LIMK2: variants seen among roughly 807,000 people sequenced by gnomAD.
The protein encoded by LIMK2 is LIM domain kinase 2.
LIMK2 carries 35 observed loss-of-function variants against 75.7 expected under a neutral mutation model. The observed-to-expected ratio is 0.46, with a 90% confidence interval of 0.35 to 0.61. The LOEUF (loss-of-function observed/expected upper bound fraction) is 0.61, where lower values mean the gene tolerates loss of function less well. Ranked by LOEUF, LIMK2 falls within the 20% of genes least tolerant of loss-of-function variation. The pLI, the probability that LIMK2 is intolerant of heterozygous loss-of-function variation, is 0.00. For synonymous variants in LIMK2, 301 were observed against 319.2 expected (o/e 0.94, Z 0.61); for missense variants, 623 against 831.0 (o/e 0.75, Z 3.08).
intron 2 of LIMK2, among the ~76,000 whole-genome samples, chr22:31,255,978 C>CTTTTTTTTTTTT (rs567250437): frequency 1.3e-4 from 4 of 29,682 alleles, no homozygotes; most frequent in East Asian, 1.1e-3. Context: ...TATATTGGGT[C>CTTTTTTTTTTTT]TTTTTTTTTT....
chr22:31,247,897 C>T (rs1207691192), intron 2 of LIMK2, among the ~76,000 whole-genome samples: 1 of 152,080 alleles, frequency 6.6e-6, no homozygotes, highest in Non-Finnish European at 1.5e-5. Context: ...TGAGGCTGTC[C>T]CCAGGACAGG....
Position 31,248,304 on chromosome 22 carries a change from C to A in LIMK2, c.117-9987C>A, listed in dbSNP as rs141087029. ...CACACACCTCGGTTCTGCGGGAGCC[C>A]CTCCTCTTCCTCCCTCCCTCCCTCA... On this transcript the variant is annotated intron_variant, in intron 2 of 15. Transcript: ENST00000331728. The A allele has an allele frequency of 3.4e-6, 4 of 1,184,656 alleles. No homozygotes were observed. In the African/African-American group the frequency reaches 6.4e-5, roughly 19 times the overall value. 73.4% of individuals were successfully genotyped at this position (1,184,656 alleles called of 1,614,324 possible).
intron 1 of LIMK2, among the ~76,000 whole-genome samples, chr22:31,215,808 TAAAAA>T (rs1166327455): frequency 6.6e-6 from 1 of 151,842 alleles, no homozygotes; most frequent in Non-Finnish European, 1.5e-5. Context: ...CCCCATCTCT[TAAAAA>T]AAAGAAAAAA....
At position 31,222,128 on chromosome 22, in the gene LIMK2, T is replaced by C. The variant is rs183096102; in HGVS notation, c.17-3592T>C. ...CACTCTTGCCCAGGCTGGAGTGCAATGGCGAGATCTCAGCTCACTGCAACC... is the reference window on the plus strand; with the variant it reads ...CACTCTTGCCCAGGCTGGAGTGCAACGGCGAGATCTCAGCTCACTGCAACC... On this transcript the variant is annotated intron_variant, in intron 1 of 15. Transcript: ENST00000331728. Among the ~76,000 whole-genome samples the C allele has an allele frequency of 1.1e-3, 171 of 152,124 alleles. 2 individuals carry two copies. Among genetic ancestry groups the C allele is most frequent in the Non-Finnish European group, 1.9e-3 (127 of 67,996 alleles).
chr22:31,229,731 A>T (rs1474880981), intron 2 of LIMK2, among the ~76,000 whole-genome samples: 1 of 150,462 alleles, frequency 6.6e-6, no homozygotes, highest in African/African-American at 2.5e-5. Flanking sequence ...TCCATCCTAA[A>T]CTCCTCCCCT....
chr22:31,268,235 G>A (rs2048916197), intron 11 of LIMK2, 35 bp downstream of exon 11: 1 of 1,563,208 alleles, frequency 6.4e-7, no homozygotes. Flanking sequence ...AGCAGGGCGA[G>A]AGTAGGGAGA....
At chr22:31,273,014 G>A in intron 13 of LIMK2, 1 of 1,165,952 alleles carries the variant, frequency 8.6e-7, no homozygotes, top group Non-Finnish European at 1.1e-6. Context: ...GAACTGAAGT[G>A]TGGTGCCCTC....
Position 31,262,295 on chromosome 22 carries a change from A to G in LIMK2, c.657+56A>G, listed in dbSNP as rs2073857. 0.74 allele frequency: 1,005,011 copies of G among 1,359,830 alleles called. 375,254 individuals carry two copies. The highest frequency in any genetic ancestry group is 0.95 in the African/African-American group (66,661 of 70,076). 84.2% of individuals were successfully genotyped at this position (1,359,830 alleles called of 1,614,324 possible). A position where few individuals can be genotyped will look rare whatever the true frequency, so the allele number is the denominator to read the frequency against. On this transcript the variant is annotated intron_variant, in intron 6 of 15. Coordinates refer to ENST00000331728, the MANE Select transcript of LIMK2 (RefSeq NM_005569.4). The surrounding 1 kb of genome is among the most constrained non-coding windows in gnomAD (Gnocchi z 5.0). Reference sequence around the variant, plus strand: ...GGTGGGACATGGAACAGATCCTCTGAGAAATCAGGCTGTAGCCTTTACCTT... The same window carrying G: ...GGTGGGACATGGAACAGATCCTCTGGGAAATCAGGCTGTAGCCTTTACCTT...
intron 1 of LIMK2, among the ~76,000 whole-genome samples, chr22:31,225,320 A>G (rs2048468932): frequency 6.6e-6 from 1 of 152,230 alleles, no homozygotes. Context: ...CCCAGAGAGA[A>G]GTTTCTGGCT....
chr22:31,257,576 A>T (rs765807034), intron 2 of LIMK2, among the ~76,000 whole-genome samples: 27 of 152,160 alleles, frequency 1.8e-4, no homozygotes, highest in Non-Finnish European at 3.5e-4. Context: ...ATATTTCCTC[A>T]GTTGTTCCAA....
intron 2 of LIMK2, among the ~76,000 whole-genome samples, chr22:31,252,562 T>A (rs2048735425): frequency 8.4e-6 from 1 of 119,100 alleles, no homozygotes; most frequent in Non-Finnish European, 1.7e-5. Context: ...AAAAAAAAGT[T>A]GATTTCTATT....
At chr22:31,272,829 AT>A in intron 13 of LIMK2, 125 bp downstream of exon 13, 2 of 1,416,688 alleles carry the variant, frequency 1.4e-6, no homozygotes, top group Non-Finnish European at 9.2e-7. Flanking sequence ...AGCTGAGGAT[AT>A]TTTTCCCTTG....
chr22:31,212,374 C>A lies in LIMK2; in HGVS notation c.-35C>A. 1 of 1,334,570 alleles carries A rather than the reference C, an allele frequency of 7.5e-7. No individual in the cohort carries two copies. The allele number at this position is 1,334,570 out of a possible 1,614,324, so 82.7% of individuals were successfully genotyped here. ...AACTGAGGGGAGCTGCTGTGTCCCC[C>A]GCCTCCTCCTCCCCATTTCCGCGCT... On this transcript the variant is annotated 5_prime_UTR_variant, in exon 1 of 16. Coordinates refer to ENST00000331728, the MANE Select transcript of LIMK2 (RefSeq NM_005569.4).
At chr22:31,219,162 A>T (rs1040727767) in intron 1 of LIMK2, among the ~76,000 whole-genome samples, 1 of 152,094 alleles carries the variant, frequency 6.6e-6, no homozygotes, top group African/African-American at 2.4e-5. Flanking sequence ...GTAGTCTCTG[A>T]GCATGGGTTT....
At chr22:31,276,484 G>T (rs1245113599) in intron 15 of LIMK2, among the ~76,000 whole-genome samples, 1 of 142,650 alleles carries the variant, frequency 7.0e-6, no homozygotes, top group Non-Finnish European at 1.5e-5. Flanking sequence ...CGGCCGCAGG[G>T]GACAAAGGGC....
chr22:31,236,083 T>C (rs1278725558), intron 2 of LIMK2, among the ~76,000 whole-genome samples: 5 of 151,532 alleles, frequency 3.3e-5, no homozygotes, highest in African/African-American at 1.2e-4. Context: ...TCACCTGAGG[T>C]GAGAAGTTCA....
intron 1 of LIMK2, among the ~76,000 whole-genome samples, chr22:31,220,177 C>T (rs185683087): frequency 6.6e-6 from 1 of 152,170 alleles, no homozygotes; most frequent in African/African-American, 2.4e-5. Context: ...TGAAGAGGGT[C>T]TGGGCGTAGG....
At chr22:31,230,759 T>C (rs2048520917) in intron 2 of LIMK2, among the ~76,000 whole-genome samples, 2 of 152,266 alleles carry the variant, frequency 1.3e-5, no homozygotes, top group East Asian at 1.9e-4. Flanking sequence ...AGTGAAGAAA[T>C]AACACACGTA....
chr22:31,250,458 TGCC>T (rs2048714291), intron 2 of LIMK2, among the ~76,000 whole-genome samples: 1 of 152,204 alleles, frequency 6.6e-6, no homozygotes, highest in Admixed American at 6.5e-5. Flanking sequence ...CAAGTCCACC[TGCC>T]GTTTGTCTTG....
Sources: allele counts gnomAD v4.1 joint callset (sites outside exome capture counted in the v4.1 genomes callset), GRCh38; gene constraint gnomAD v4.1.1; non-coding constraint Gnocchi (gnomAD v3.1); transcripts MANE v1.5; gene names NCBI Gene and HGNC (gene_info 2026-07-23, HGNC 2026-07-21).